Variants in PFKFB3 observed in about 807,000 individuals in gnomAD.
The protein encoded by PFKFB3 is 6-phosphofructo-2-kinase/fructose-2,6-bisphosphatase 3.
A neutral mutation model predicts 68.0 loss-of-function variants in PFKFB3; 33 were observed. The observed-to-expected ratio is 0.49, with a 90% CI of 0.37 to 0.65. The LOEUF is 0.65. Ranked by LOEUF, PFKFB3 falls within the 30% of genes least tolerant of loss-of-function variation. The pLI is 0.00. For synonymous variants in PFKFB3, 315 were observed against 288.2 expected, an observed-to-expected ratio of 1.09 and a Z score of -0.94; for missense variants, 586 against 712.2, an observed-to-expected ratio of 0.82 and a Z score of 2.02.
In PFKFB3 at chr10:6,158,265, G is replaced by A. The variant is rs1038881000; in HGVS notation, c.16+13252G>A. On this transcript the variant is annotated intron_variant, in intron 1 of 14. Transcript: ENST00000379789. Reference sequence around the variant, plus strand: ...GATTGCGCCACTGCACTCCAGCCTGGGGGGACAGAGCAAGACTCCATCTTA... The same window carrying A: ...GATTGCGCCACTGCACTCCAGCCTGAGGGGACAGAGCAAGACTCCATCTTA... 1.3e-5 allele frequency among the ~76,000 whole-genome samples: 2 copies of A among 151,892 alleles called. 1 individual carries two copies. Among genetic ancestry groups the A allele is most frequent in the South Asian group, 4.2e-4 (2 of 4,814 alleles).
intron 1 of PFKFB3, among the ~76,000 whole-genome samples, chr10:6,166,055 C>T (rs1842127987): frequency 6.6e-6 from 1 of 151,470 alleles, no homozygotes; most frequent in Non-Finnish European, 1.5e-5. Context: ...TCCCGGCTCA[C>T]TGCAACTTCC....
intron 11 of PFKFB3, among the ~76,000 whole-genome samples, chr10:6,223,509 G>C (rs35532228): frequency 0.081 from 12,362 of 152,188 alleles, 1,497 homozygotes; most frequent in African/African-American, 0.26. Context: ...TCTGGGGCCA[G>C]CTGCTGCCCG....
downstream of PFKFB3, among the ~76,000 whole-genome samples, chr10:6,255,545 G>C (rs1315971432): frequency 6.6e-6 from 1 of 152,320 alleles, no homozygotes; most frequent in East Asian, 1.9e-4. Context: ...ACTTCAACGG[G>C]TGTGTCTCCC....
At chr10:6,175,009 T>A (rs561963064) in intron 1 of PFKFB3, among the ~76,000 whole-genome samples, 89 of 152,056 alleles carry the variant, frequency 5.9e-4, no homozygotes, top group Non-Finnish European at 1.0e-3. Flanking sequence ...AGAGATGGGG[T>A]TTCACCATGT....
intron 1 of PFKFB3, among the ~76,000 whole-genome samples, chr10:6,181,054 G>A (rs748554492): frequency 1.3e-5 from 2 of 151,660 alleles, no homozygotes; most frequent in East Asian, 1.9e-4. Flanking sequence ...TGGCTCTGTC[G>A]CTCAGGCTGG....
intron 1 of PFKFB3, among the ~76,000 whole-genome samples, chr10:6,162,466 G>A (rs909205382): frequency 6.6e-6 from 1 of 152,194 alleles, no homozygotes; most frequent in Non-Finnish European, 1.5e-5. Context: ...ACACTTATCA[G>A]AGTGTCCGTA....
At chr10:6,299,891 C>G in the PFKFB3 span, among the ~76,000 whole-genome samples, 1 of 149,134 alleles carries the variant, frequency 6.7e-6, no homozygotes, top group African/African-American at 2.5e-5. Flanking sequence ...TCACTGTCTG[C>G]TGAACATTTT....
chr10:6,230,724 T>C (rs976710237), intron 14 of PFKFB3, among the ~76,000 whole-genome samples: 11 of 151,984 alleles, frequency 7.2e-5, no homozygotes, highest in Non-Finnish European at 1.2e-4. Context: ...GAAGTCTTTT[T>C]TTTTTTTTGA....
intron 1 of PFKFB3, among the ~76,000 whole-genome samples, chr10:6,163,406 C>T (rs1354019004): frequency 6.6e-6 from 1 of 152,202 alleles, no homozygotes; most frequent in Admixed American, 6.5e-5. Flanking sequence ...CCTATATAGA[C>T]TGGATGTCAA....
intron 1 of PFKFB3, among the ~76,000 whole-genome samples, chr10:6,153,362 G>A (rs1841658627): frequency 6.6e-6 from 1 of 152,192 alleles, no homozygotes; most frequent in Admixed American, 6.5e-5. Context: ...TAAGTGCAGA[G>A]GCTGCGGCAG....
chr10:6,223,827 G>C, intron 11 of PFKFB3, 131 bp from the exon 12 acceptor site: 1 of 768,004 alleles, frequency 1.3e-6, no homozygotes, highest in Admixed American at 1.8e-5. Context: ...ATGTTGGTCA[G>C]GCTGGTCTTG....
At chr10:6,280,324 T>C in the PFKFB3 span, among the ~76,000 whole-genome samples, 1 of 152,248 alleles carries the variant, frequency 6.6e-6, no homozygotes, top group Admixed American at 6.5e-5. Context: ...GGATAGCGCC[T>C]TGATGGTACG....
intron 8 of PFKFB3, 114 bp from the exon 9 acceptor site, chr10:6,221,267 C>T: frequency 1.5e-5 from 20 of 1,313,306 alleles, no homozygotes; most frequent in Non-Finnish European, 2.1e-5. Context: ...GGCCTGGGGC[C>T]CCCACGGTGT....
the PFKFB3 span, among the ~76,000 whole-genome samples, chr10:6,319,404 A>G: frequency 6.6e-6 from 1 of 152,216 alleles, no homozygotes; most frequent in Non-Finnish European, 1.5e-5. Flanking sequence ...ACAACTCAGA[A>G]ACAGAAAGTC....
chr10:6,223,100 GT>G, intron 11 of PFKFB3, 116 bp downstream of exon 11: 1 of 1,067,112 alleles, frequency 9.4e-7, no homozygotes, highest in Non-Finnish European at 1.3e-6. Context: ...GCCATGGGGT[GT>G]TAGGAGAAGG....
chr10:6,268,147 C>T, the PFKFB3 span, among the ~76,000 whole-genome samples: 243 of 152,044 alleles, frequency 1.6e-3, no homozygotes, highest in African/African-American at 5.6e-3. Flanking sequence ...CAGGCAGAGC[C>T]CCTAAGGTGG....
Position 6,221,739 on chromosome 10 carries a change from C to G in PFKFB3, c.1077C>G (p.Thr359=). Residue 359 remains threonine (T), a synonymous_variant, in exon 10 of 15, where the codon ACC becomes ACG. Coordinates refer to ENST00000379775, the MANE Select transcript of PFKFB3 (RefSeq NM_004566.4). ...EQDKYYYRYP[T]GESYQDLVQR... is the part of the protein sequence containing the mutation. ...ACAAGTACTATTACCGCTACCCCAC[C>G]GGGGAGGTGAGCGCAGGCTGGGGCG... 1 of 1,595,638 alleles carries G rather than the reference C, an allele frequency of 6.3e-7. No individual in the cohort carries two copies. Among genetic ancestry groups the G allele is most frequent in the Non-Finnish European group, 8.5e-7 (1 of 1,171,934 alleles).
chr10:6,174,601 C>T (rs2131754894), intron 1 of PFKFB3, among the ~76,000 whole-genome samples: 1 of 152,250 alleles, frequency 6.6e-6, no homozygotes, highest in South Asian at 2.1e-4. Flanking sequence ...GGGCCTGCTG[C>T]CCCTGGACTG....
At chr10:6,172,691 G>A (rs1490657569) in intron 1 of PFKFB3, among the ~76,000 whole-genome samples, 9 of 151,980 alleles carry the variant, frequency 5.9e-5, no homozygotes, top group South Asian at 2.1e-4. Context: ...GTGTGGTGGC[G>A]CATACCTGTG....
Sources: gnomAD v4.1 joint callset for allele counts (sites outside exome capture counted in the v4.1 genomes callset) on GRCh38, gnomAD v4.1.1 for gene constraint, MANE v1.5 for transcripts, NCBI Gene and HGNC (gene_info 2026-07-23, HGNC 2026-07-21) for gene names.